IQGAP3: variants seen among roughly 807,000 people sequenced by gnomAD.
IQGAP3 encodes ras GTPase-activating-like protein IQGAP3.
Under a neutral mutation model 208.2 loss-of-function variants are expected in IQGAP3, and 165 were observed. The observed-to-expected ratio is 0.79, with a 90% CI of 0.70 to 0.90. IQGAP3 has a LOEUF of 0.90. IQGAP3 is among the 40% of genes least tolerant of loss of function. The pLI, the probability that IQGAP3 is intolerant of heterozygous loss-of-function variation, is 0.00. For missense variants in IQGAP3, 1,811 were observed against 2,043.1 expected, an observed-to-expected ratio of 0.89 and a Z score of 2.19; for synonymous variants, 703 against 803.6, an observed-to-expected ratio of 0.87 and a Z score of 2.12.
Position 156,528,129 on chromosome 1 carries a change from C to G in IQGAP3, c.4674-69G>C, listed in dbSNP as rs530776951. On this transcript the variant is annotated intron_variant, in intron 36 of 37. Coordinates refer to ENST00000361170, the MANE Select transcript of IQGAP3 (RefSeq NM_178229.5). ...CAGGGCTACAGCCACATTCTTGCAC[C>G]CACTGCTCCTCATCCTGGGCAGCGG... 7.5e-5 allele frequency: 88 copies of G among 1,175,162 alleles called. 1 individual carries two copies. Among genetic ancestry groups the G allele is most frequent in the Admixed American group, 6.9e-4 (40 of 57,910 alleles). The allele number at this position is 1,175,162 out of a possible 1,614,324, so 72.8% of individuals were successfully genotyped here. A position where few individuals can be genotyped will look rare whatever the true frequency, so the allele number is the denominator to read the frequency against.
chr1:156,567,543 T>C (rs1001290327), intron 2 of IQGAP3, among the ~76,000 whole-genome samples: 4 of 152,214 alleles, frequency 2.6e-5, no homozygotes, highest in Admixed American at 6.5e-5. Context: ...TTATTACTGA[T>C]GGTTGTATGA....
At position 156,526,206 on chromosome 1, in the gene IQGAP3, C is replaced by A; in HGVS notation, c.*280G>T. On this transcript the variant is annotated 3_prime_UTR_variant, in exon 38 of 38. Transcript: ENST00000361170. ...CACAAGAGTAATGGCTTTCCCAGGT[C>A]AAGGTCCATGTCCTACCATCTGGCA... is the stretch of plus-strand genomic sequence containing the variant. The A allele has an allele frequency of 2.5e-6, 1 of 394,604 alleles. No homozygotes were observed. The highest frequency in any genetic ancestry group is 4.7e-6 in the Non-Finnish European group (1 of 212,080). The allele number at this position is 394,604 out of a possible 1,614,324, so 24.4% of individuals were successfully genotyped here. A position where few individuals can be genotyped will look rare whatever the true frequency, so the allele number is the denominator to read the frequency against.
At position 156,567,880 on chromosome 1, in the gene IQGAP3, T is replaced by C. The variant is rs141593287; in HGVS notation, c.126-1334A>G. Among the ~76,000 whole-genome samples, 111 of 152,310 alleles carry C rather than the reference T, an allele frequency of 7.3e-4. 1 individual carries two copies. Among genetic ancestry groups the C allele is most frequent in the African/African-American group, 2.7e-3 (111 of 41,574 alleles). Reference sequence around the variant, plus strand: ...GTAAATATGGAAGAAATGACAGAACTAGAAAATAGTCATTTTACACCCTTG... The same window carrying C: ...GTAAATATGGAAGAAATGACAGAACCAGAAAATAGTCATTTTACACCCTTG... On this transcript the variant is annotated intron_variant, in intron 2 of 37. Coordinates refer to ENST00000361170, the MANE Select transcript of IQGAP3 (RefSeq NM_178229.5).
chr1:156,548,090 C>G lies in IQGAP3; in HGVS notation c.2287G>C (p.Ala763Pro), dbSNP rs1334728543. ...HSHFLRTWLP[A>P]VIKIQAHWRG... ...CCTGCCACCTGGATCTTGATGACTG[C>G]TGGGAGCCAGGTCCTCAGAAAGTGG... The change falls in exon 19 of 38, where the codon GCA becomes CCA. Residue 763 changes from alanine to proline, a missense_variant. By Grantham distance (27) the Ala-to-Pro change is conservative. Transcript: ENST00000361170. 1.2e-6 allele frequency: 2 copies of G among 1,613,338 alleles called. No individual in the cohort carries two copies. Among genetic ancestry groups the G allele is most frequent in the South Asian group, 1.1e-5 (1 of 90,892 alleles).
At chr1:156,554,110 C>G (rs1675699750) in intron 13 of IQGAP3, 125 bp downstream of exon 13, 1 of 1,204,206 alleles carries the variant, frequency 8.3e-7, no homozygotes, top group East Asian at 2.4e-5. Flanking sequence ...TGAACAGACC[C>G]AGAGGGTGGG....
chr1:156,528,357 G>T, intron 36 of IQGAP3, 152 bp downstream of exon 36: 1 of 645,648 alleles, frequency 1.5e-6, no homozygotes, highest in Non-Finnish European at 2.7e-6. Flanking sequence ...TTCACTTTCT[G>T]TCTGGGCATG....
rs748922349 is a variant in IQGAP3, at chr1:156,563,253, G to C, written c.679C>G (p.Leu227Val). The C allele has an allele frequency of 6.2e-7, 1 of 1,612,740 alleles. No homozygotes were observed. Among genetic ancestry groups the C allele is most frequent in the Non-Finnish European group, 8.5e-7 (1 of 1,178,882 alleles). The change falls in exon 8 of 38, where the codon CTG (leucine) becomes GTG (valine). Residue 227 changes from leucine to valine, a missense_variant. Physicochemically the swap from Leu to Val is conservative, Grantham distance 32. Coordinates refer to ENST00000361170, the MANE Select transcript of IQGAP3 (RefSeq NM_178229.5). ...GCACTGGGATTCTGCAAGGCAGCCA[G>C]GGTGTCCTCCACCACCCCTCGCTCC... ...AVERGVVEDTLAALQNPSALL... is the reference protein window; with the variant it reads ...AVERGVVEDTVAALQNPSALL...
chr1:156,531,856 C>T (rs563724281), intron 32 of IQGAP3, among the ~76,000 whole-genome samples: 13 of 151,988 alleles, frequency 8.6e-5, no homozygotes, highest in East Asian at 3.9e-4. Flanking sequence ...CCACCTGCCT[C>T]GGCCTCCCAA....
At chr1:156,569,268 C>A (rs1035814513) in intron 2 of IQGAP3, 108 bp downstream of exon 2, 8 of 687,188 alleles carry the variant, frequency 1.2e-5, no homozygotes, top group Non-Finnish European at 2.0e-5. Flanking sequence ...TCGCCCTTTC[C>A]CACAGGATGG....
chr1:156,539,980 G>A lies in IQGAP3; in HGVS notation c.2750C>T (p.Ser917Phe), dbSNP rs753237862. The change falls in exon 24 of 38, where the codon TCC (serine) becomes TTC (phenylalanine). Residue 917 changes from serine (S) to phenylalanine (F), a missense_variant. Physicochemically the swap from Ser to Phe is radical, Grantham distance 155. Coordinates refer to ENST00000361170, the MANE Select transcript of IQGAP3 (RefSeq NM_178229.5). ...KNRITLQEVV[S>F]HCKKLTKRNK... ...CCTCTTGGTCAGCTTCTTGCAGTGG[G>A]AGACCACTTCCTGCAGGGGTGGAGG... 6.2e-7 allele frequency: 1 copy of A among 1,614,088 alleles called. No individual in the cohort carries two copies. The highest frequency in any genetic ancestry group is 8.5e-7 in the Non-Finnish European group (1 of 1,180,006).
intron 37 of IQGAP3, among the ~76,000 whole-genome samples, chr1:156,526,934 G>T (rs1471929768): frequency 6.6e-6 from 1 of 151,998 alleles, no homozygotes; most frequent in Non-Finnish European, 1.5e-5. Flanking sequence ...CCAGGTTCAA[G>T]CGATTTTCCT....
Position 156,540,843 on chromosome 1 carries a change from G to A in IQGAP3, c.2604C>T (p.Phe868=). ...GCTTCAGCAGCTCTGCCTCAGCCAA[G>A]AAGTCTTGCTGGCTTTGATTCAAGA... ...AHLLNQSQQD[F]LAEAELLKLQ... The change falls in exon 23 of 38, where the codon TTC becomes TTT. Residue 868 remains phenylalanine, a synonymous_variant. Coordinates refer to ENST00000361170, the MANE Select transcript of IQGAP3 (RefSeq NM_178229.5). 1.9e-6 allele frequency: 3 copies of A among 1,614,094 alleles called. No individual in the cohort carries two copies. The highest frequency in any genetic ancestry group is 2.5e-6 in the Non-Finnish European group (3 of 1,179,998).
chr1:156,537,882 C>T lies in IQGAP3; in HGVS notation c.3282-561G>A, dbSNP rs1350551767. Among the ~76,000 whole-genome samples the T allele has an allele frequency of 7.2e-5, 11 of 152,108 alleles. No homozygotes were observed. In the East Asian group the frequency reaches 2.1e-3, roughly 29 times the overall value. ...CTATCAATAGGAGTCCATATCCTAA[C>T]TCCCAGCAAATTTTTTTTTTTTTTT... On this transcript the variant is annotated intron_variant, in intron 26 of 37. Coordinates refer to ENST00000361170, the MANE Select transcript of IQGAP3 (RefSeq NM_178229.5).
At position 156,566,871 on chromosome 1, in the gene IQGAP3, T is replaced by C. The variant is rs911712836; in HGVS notation, c.126-325A>G. On this transcript the variant is annotated intron_variant, in intron 2 of 37. Transcript: ENST00000361170. The stretch of plus-strand genomic sequence containing the variant: ...CAGTCTAGTTACATGCTTTTTTTTT[T>C]TTTTTTTTTTTTGAAATGGCGTCTC... 3.3e-3 allele frequency among the ~76,000 whole-genome samples: 473 copies of C among 145,106 alleles called. 6 individuals are homozygous for C. Among genetic ancestry groups the C allele is most frequent in the African/African-American group, 6.5e-3 (258 of 39,856 alleles).
rs529558769 is a variant in IQGAP3, at chr1:156,562,652, C to T, written c.812G>A (p.Ser271Asn). The T allele has an allele frequency of 1.2e-6, 2 of 1,614,036 alleles. No homozygotes were observed. The highest frequency in any genetic ancestry group is 1.7e-6 in the Non-Finnish European group (2 of 1,179,894). The change falls in exon 9 of 38, where the codon AGC becomes AAC. Residue 271 changes from serine to asparagine, a missense_variant. Physicochemically the swap from Ser to Asn is conservative, Grantham distance 46 (BLOSUM62 1). Transcript: ENST00000361170. ...ANARNHDDRE[S>N]QDIYDHYLTQ... The stretch of plus-strand genomic sequence containing the variant: ...TAGGTAGTGGTCATAGATGTCCTGG[C>T]TTTCTCTGTCATCCTGCAAAAACTC...
intron 11 of IQGAP3, among the ~76,000 whole-genome samples, chr1:156,559,307 A>G (rs1676041414): frequency 6.6e-6 from 1 of 152,202 alleles, no homozygotes; most frequent in South Asian, 2.1e-4. Context: ...CAGAGGAATA[A>G]GGAACCAGCT....
In IQGAP3 at chr1:156,534,625, G is replaced by A. The variant is rs772330297; in HGVS notation, c.3616C>T (p.Arg1206Cys). The A allele has an allele frequency of 7.4e-6, 12 of 1,611,778 alleles. No homozygotes were observed. Among genetic ancestry groups the A allele is most frequent in the Admixed American group, 1.7e-5 (1 of 59,820 alleles). ...AAGGALAAPQRHALGAVAQLL... is the reference protein window; with the variant it reads ...AAGGALAAPQCHALGAVAQLL... ...TGAGCCACAGCCCCCAGGGCATGGC[G>A]CTGGGGGGCAGCCAGGGCTCCACCA... The change falls in exon 29 of 38, where the codon CGC becomes TGC. Residue 1206 changes from arginine to cysteine, a missense_variant. Physicochemically the swap from Arg to Cys is radical, Grantham distance 180. Transcript: ENST00000361170.
chr1:156,529,170 G>GTGAGGC (rs754287343), intron 34 of IQGAP3, 88 bp from the exon 35 acceptor site: 10 of 1,366,072 alleles, frequency 7.3e-6, no homozygotes, highest in Non-Finnish European at 1.0e-5. Flanking sequence ...GCTACACACT[G>GTGAGGC]TGAGGCTCTT....
Position 156,531,032 on chromosome 1 carries a change from C to T in IQGAP3, c.4191+128G>A, listed in dbSNP as rs1173386025. ...CTGTAGGCCTCCAGAGTTCTCATTA[C>T]TGGTGAGCACAGGTGTCTGCTTCTG... On this transcript the variant is annotated intron_variant, in intron 33 of 37. Coordinates refer to ENST00000361170, the MANE Select transcript of IQGAP3 (RefSeq NM_178229.5). The T allele has an allele frequency of 8.1e-6, 6 of 738,726 alleles. No individual in the cohort carries two copies. The African/African-American group carries it at 8.6e-5, about 11-fold the overall frequency. 45.8% of individuals were successfully genotyped at this position (738,726 alleles called of 1,614,324 possible).
Sources: allele counts gnomAD v4.1 joint callset (sites outside exome capture counted in the v4.1 genomes callset), GRCh38; gene constraint gnomAD v4.1.1; transcripts MANE v1.5; gene names NCBI Gene and HGNC (gene_info 2026-07-23, HGNC 2026-07-21).